The following NR3C2 variants were observed in gnomAD, a reference collection of about 807,000 sequenced individuals.
NR3C2 encodes mineralocorticoid receptor.
Under a neutral mutation model 86.4 loss-of-function variants are expected in NR3C2, and 15 were observed. That is an observed-to-expected ratio of 0.17 (90% CI 0.12 to 0.27). The LOEUF is 0.27. NR3C2 is among the 10% of genes least tolerant of loss of function. NR3C2 has a pLI of 1.00. For missense variants in NR3C2, 960 were observed against 1,195.6 expected, an observed-to-expected ratio of 0.80 and a Z score of 2.91; for synonymous variants, 458 against 450.5, an observed-to-expected ratio of 1.02 and a Z score of -0.21.
chr4:148,151,877 A>C, intron 6 of NR3C2, among the ~76,000 whole-genome samples: 1 of 152,244 alleles, frequency 6.6e-6, no homozygotes. Context: ...ATGTAAACTT[A>C]AAATAGGAAG....
intron 6 of NR3C2, among the ~76,000 whole-genome samples, chr4:148,130,750 T>A (rs1187996432): frequency 6.6e-6 from 1 of 151,896 alleles, no homozygotes; most frequent in Non-Finnish European, 1.5e-5. Context: ...AGGGTTGAAG[T>A]CTCTGGAATC....
chr4:148,361,548 A>G (rs1041315109), intron 2 of NR3C2, among the ~76,000 whole-genome samples: 2 of 152,134 alleles, frequency 1.3e-5, no homozygotes, highest in Admixed American at 1.3e-4. Flanking sequence ...TTATGTCATT[A>G]ATAGGAAATT....
intron 3 of NR3C2, among the ~76,000 whole-genome samples, chr4:148,215,357 G>A (rs544787851): frequency 4.9e-4 from 75 of 152,304 alleles, no homozygotes; most frequent in African/African-American, 1.7e-3. Flanking sequence ...CCCTTGAGGC[G>A]TTTATCCATG....
chr4:148,161,261 TTTG>T (rs1364388313), intron 4 of NR3C2, among the ~76,000 whole-genome samples: 2 of 152,228 alleles, frequency 1.3e-5, no homozygotes, highest in African/African-American at 2.4e-5. Flanking sequence ...CATTATTGAT[TTTG>T]TTGATATAGA....
intron 2 of NR3C2, among the ~76,000 whole-genome samples, chr4:148,410,175 G>A (rs10009023): frequency 0.97 from 148,299 of 152,308 alleles, 72,276 homozygotes; most frequent in Non-Finnish European, 1. Flanking sequence ...AATCTTGTAT[G>A]TACATGTAAA....
intron 2 of NR3C2, among the ~76,000 whole-genome samples, chr4:148,279,184 C>A (rs955657687): frequency 6.6e-6 from 1 of 151,898 alleles, no homozygotes; most frequent in African/African-American, 2.4e-5. Context: ...AAATAAAGTT[C>A]TGGCTTTGAA....
At chr4:148,277,627 A>G (rs1741023259) in intron 2 of NR3C2, among the ~76,000 whole-genome samples, 1 of 152,236 alleles carries the variant, frequency 6.6e-6, no homozygotes, top group Non-Finnish European at 1.5e-5. Flanking sequence ...TTTAAAATAA[A>G]CAAAAAATAG....
At chr4:148,357,679 T>C (rs1000256038) in intron 2 of NR3C2, among the ~76,000 whole-genome samples, 2 of 152,228 alleles carry the variant, frequency 1.3e-5, no homozygotes, top group African/African-American at 4.8e-5. Flanking sequence ...CCAAAGGCTC[T>C]TCATTTAACA....
chr4:148,169,730 C>T (rs866001283), intron 4 of NR3C2, among the ~76,000 whole-genome samples: 10 of 152,174 alleles, frequency 6.6e-5, no homozygotes, highest in Admixed American at 1.3e-4. Context: ...CAGAGATGAT[C>T]ATATTTCTTC....
At chr4:148,146,829 G>A (rs1421066337) in intron 6 of NR3C2, 4 of 152,130 alleles carry the variant, frequency 2.6e-5, no homozygotes, top group Non-Finnish European at 5.9e-5. Context: ...TTTTTTACTA[G>A]GCTACTACTT....
At position 148,436,094 on chromosome 4, in the gene NR3C2, T is replaced by C. The variant is rs72645685; in HGVS notation, c.767A>G (p.Asn256Ser). Residue 256 changes from asparagine (N) to serine (S), a missense_variant, in exon 2 of 9, where the codon AAT becomes AGT. Asn to Ser is a conservative substitution (Grantham distance 46). This residue lies in a region of NR3C2 where 680 missense variants were observed against 719.0 expected (regional missense o/e 0.95). Coordinates refer to ENST00000358102, the MANE Select transcript of NR3C2 (RefSeq NM_000901.5). ...SRSHSPAHAS[N>S]VGSPLSSPLS... ...CGGACTTGAGAGAGGAGAGCCCACA[T>C]TGCTAGCATGTGCAGGGCTGTGCGA... is the stretch of plus-strand genomic sequence containing the variant. 2.3e-4 allele frequency: 372 copies of C among 1,614,098 alleles called. No homozygotes were observed. The African/African-American group carries it at 4.6e-3, about 20-fold the overall frequency.
rs61762842 is a variant in NR3C2 at position 148,367,866 on chromosome 4, C to T, written c.1757+67238G>A. ...ACTTCTTCAAAAAGAAATACATTCT[C>T]CCTTTCAAAAAAAAAAAAAAAGTCA... On this transcript the variant is annotated intron_variant, in intron 2 of 8. Coordinates refer to ENST00000358102, the MANE Select transcript of NR3C2 (RefSeq NM_000901.5). Among the ~76,000 whole-genome samples, 1,346 of 150,822 alleles carry T rather than the reference C, an allele frequency of 8.9e-3. 9 individuals are homozygous for T. The highest frequency in any genetic ancestry group is 0.014 in the Non-Finnish European group (973 of 67,848).
chr4:148,377,615 A>C (rs538632332), intron 2 of NR3C2, among the ~76,000 whole-genome samples: 4 of 152,214 alleles, frequency 2.6e-5, no homozygotes, highest in Non-Finnish European at 5.9e-5. Flanking sequence ...GTAGTGTCCT[A>C]TATCATAGTA....
At chr4:148,257,705 ATC>A (rs1443383200) in intron 3 of NR3C2, among the ~76,000 whole-genome samples, 1 of 152,128 alleles carries the variant, frequency 6.6e-6, no homozygotes, top group East Asian at 1.9e-4. Flanking sequence ...CACATATTTA[ATC>A]TCTCTCATAC....
At chr4:148,084,812 G>A (rs1212888749) in intron 8 of NR3C2, among the ~76,000 whole-genome samples, 1 of 152,178 alleles carries the variant, frequency 6.6e-6, no homozygotes, top group Non-Finnish European at 1.5e-5. Context: ...TAAAGGGATG[G>A]AGGAAGATTT....
At chr4:148,406,999 C>A (rs1748459069) in intron 2 of NR3C2, among the ~76,000 whole-genome samples, 1 of 152,156 alleles carries the variant, frequency 6.6e-6, no homozygotes, top group Non-Finnish European at 1.5e-5. Context: ...ATCATGACAA[C>A]CATTTGCAAA....
chr4:148,205,745 G>A (rs1184420310), intron 3 of NR3C2, among the ~76,000 whole-genome samples: 2 of 152,124 alleles, frequency 1.3e-5, no homozygotes, highest in Non-Finnish European at 2.9e-5. Flanking sequence ...GAATACAGAA[G>A]AGAAAGTAAC....
chr4:148,110,415 A>C (rs1274533325), intron 8 of NR3C2, among the ~76,000 whole-genome samples: 1 of 152,212 alleles, frequency 6.6e-6, no homozygotes, highest in African/African-American at 2.4e-5. Context: ...GACCCTTAGA[A>C]ACAAATGCTC....
chr4:148,285,237 T>C (rs1414021578), intron 2 of NR3C2, among the ~76,000 whole-genome samples: 1 of 152,106 alleles, frequency 6.6e-6, no homozygotes, highest in Non-Finnish European at 1.5e-5. Context: ...GACATGAAAA[T>C]GCTAAAAAAT....
Sources: gnomAD v4.1 joint callset for allele counts (sites outside exome capture counted in the v4.1 genomes callset) on GRCh38, gnomAD v4.1.1 for gene constraint, gnomAD v4.1.1 regional missense constraint, MANE v1.5 for transcripts, NCBI Gene and HGNC (gene_info 2026-07-23, HGNC 2026-07-21) for gene names.